NYX: variants seen among roughly 807,000 people sequenced by gnomAD.
NYX encodes leucine-rich repeat protein.
For missense variants in NYX, 481 were observed against 485.4 expected (o/e 0.99, Z 0.09); for synonymous variants, 258 against 245.7 (o/e 1.05, Z -0.47).
chrX:41,473,534 C>A lies in NYX; in HGVS notation c.66C>A (p.Cys22Ter). The stretch of plus-strand genomic sequence containing the variant: ...CCAGCGCCTGGGCCGTGGGGGCCTG[C>A]GCCCGCGCTTGTCCCGCCGCCTGCG... ...GLPSAWAVGA[C>*]ARACPAACAC... Residue 22 changes from cysteine to a stop codon, truncating the protein, a stop_gained, in exon 3 of 3, where the codon TGC becomes TGA. Transcript: ENST00000378220. LOFTEE classifies it low-confidence loss of function (END_TRUNC). 1.0e-6 allele frequency: 1 copy of A among 1,002,261 alleles called. No homozygotes were observed. Among genetic ancestry groups the A allele is most frequent in the Non-Finnish European group, 1.3e-6 (1 of 791,741 alleles). The allele number at this position is 1,002,261 out of a possible 1,213,427, so 82.6% of individuals were successfully genotyped here.
chrX:41,453,266 G>A (rs1353299834), intron 2 of NYX, among the ~76,000 whole-genome samples: 1 of 111,252 alleles, frequency 9.0e-6, no homozygotes, highest in Non-Finnish European at 1.9e-5. Context: ...GCGGGTGCCT[G>A]AGGCTGGCCA....
chrX:41,472,443 G>T, intron 2 of NYX: 1 of 1,037,466 alleles, frequency 9.6e-7, no homozygotes, highest in Non-Finnish European at 1.3e-6. Flanking sequence ...ACCATGGCCA[G>T]CAGGCCGCGG....
chrX:41,463,673 G>A lies in NYX; in HGVS notation c.23-9818G>A, dbSNP rs59069414. ...CTTGACCTAGTGATCTGCCCGCCTCGGCCTCCCAACGTGCTGGGATTACAG... is the reference window on the plus strand; with the variant it reads ...CTTGACCTAGTGATCTGCCCGCCTCAGCCTCCCAACGTGCTGGGATTACAG... On this transcript the variant is annotated intron_variant, in intron 2 of 2. Coordinates refer to ENST00000378220, the MANE Select transcript of NYX (RefSeq NM_001378477.3). Among the ~76,000 whole-genome samples, 932 of 110,874 alleles carry A rather than the reference G, an allele frequency of 8.4e-3. 15 individuals carry two copies. Among genetic ancestry groups the A allele is most frequent in the African/African-American group, 0.029 (889 of 30,508 alleles).
chrX:41,465,743 G>A (rs1367565415), intron 2 of NYX, among the ~76,000 whole-genome samples: 3 of 101,809 alleles, frequency 2.9e-5, no homozygotes, highest in African/African-American at 1.1e-4. Context: ...GGCTGGTCTC[G>A]AACTCCTGAC....
chrX:41,459,320 G>A (rs1054229989), intron 2 of NYX, among the ~76,000 whole-genome samples: 2 of 110,377 alleles, frequency 1.8e-5, no homozygotes, highest in African/African-American at 6.6e-5. Context: ...AGGACTGCAC[G>A]TAAATGTCAT....
At chrX:41,470,499 GC>G (rs2064355106) in intron 2 of NYX, among the ~76,000 whole-genome samples, 1 of 109,930 alleles carries the variant, frequency 9.1e-6, no homozygotes, top group African/African-American at 3.3e-5. Flanking sequence ...TTTGAGACCA[GC>G]CTGGCCAATA....
intron 2 of NYX, among the ~76,000 whole-genome samples, chrX:41,449,048 G>A (rs1325993814): frequency 8.9e-6 from 1 of 111,898 alleles, no homozygotes; most frequent in African/African-American, 3.2e-5. Flanking sequence ...AAGAAGACTC[G>A]TTATGAAATA....
chrX:41,451,510 G>A (rs1011653783), intron 2 of NYX, among the ~76,000 whole-genome samples: 17 of 111,531 alleles, frequency 1.5e-4, no homozygotes, highest in Non-Finnish European at 2.1e-4. Flanking sequence ...TGCAAAATAA[G>A]CATTTGATTT....
chrX:41,456,962 G>C (rs1188600659), intron 2 of NYX, among the ~76,000 whole-genome samples: 2 of 111,171 alleles, frequency 1.8e-5, no homozygotes, highest in Non-Finnish European at 3.8e-5. Context: ...TTTAGGAGGG[G>C]ATTAGGTCCT....
Position 41,474,584 on chromosome X carries a change from C to T in NYX, c.1116C>T (p.Thr372=), listed in dbSNP as rs1363923181. The change falls in exon 3 of 3, where the codon ACC becomes ACT. Residue 372 remains threonine, a synonymous_variant. Transcript: ENST00000378220. ...SVAGLDLSQV[T]FGRSSDGLCV... is the part of the protein sequence containing the mutation. Reference sequence around the variant, plus strand: ...CCGGCCTGGACCTCAGCCAGGTGACCTTCGGGCGCTCCTCCGATGGCCTCT... The same window carrying T: ...CCGGCCTGGACCTCAGCCAGGTGACTTTCGGGCGCTCCTCCGATGGCCTCT... The T allele has an allele frequency of 1.7e-6, 2 of 1,197,641 alleles. No homozygotes were observed. The highest frequency in any genetic ancestry group is 2.2e-6 in the Non-Finnish European group (2 of 889,099).
At chrX:41,464,083 G>C (rs975321244) in intron 2 of NYX, among the ~76,000 whole-genome samples, 1 of 110,765 alleles carries the variant, frequency 9.0e-6, no homozygotes, top group Non-Finnish European at 1.9e-5. Context: ...TTACTGGAGA[G>C]AGAGAGAATT....
At chrX:41,463,445 G>A (rs1280977878) in intron 2 of NYX, among the ~76,000 whole-genome samples, 4 of 103,536 alleles carry the variant, frequency 3.9e-5, no homozygotes, top group South Asian at 4.5e-4. Flanking sequence ...TTTCTGAGAC[G>A]GAGTTTTGCT....
At chrX:41,450,855 T>G (rs1325438114) in intron 2 of NYX, among the ~76,000 whole-genome samples, 17 of 76,880 alleles carry the variant, frequency 2.2e-4, no homozygotes, top group South Asian at 6.8e-4. Flanking sequence ...TTTTTTTTTT[T>G]GGGTATTTTT....
At chrX:41,460,601 A>G (rs887946556) in intron 2 of NYX, among the ~76,000 whole-genome samples, 1 of 111,726 alleles carries the variant, frequency 9.0e-6, no homozygotes, top group Non-Finnish European at 1.9e-5. Context: ...TTCATTATTC[A>G]TTTGTAGGAG....
At chrX:41,453,220 GA>G (rs1291890203) in intron 2 of NYX, among the ~76,000 whole-genome samples, 1 of 111,775 alleles carries the variant, frequency 8.9e-6, no homozygotes, top group East Asian at 2.8e-4. Context: ...TTAGGAAAGA[GA>G]AACTGCTCAG....
chrX:41,474,219 C>T lies in NYX; in HGVS notation c.751C>T (p.Leu251=). Residue 251 remains leucine (L), a synonymous_variant, in exon 3 of 3, where the codon CTG becomes TTG. Coordinates refer to ENST00000378220, the MANE Select transcript of NYX (RefSeq NM_001378477.3). ...CGACGCCTTCCGCGGCCTGCGGCGC[C>T]TGCGCACGCTCAACCTGGGTGGCAA... ...PADAFRGLRR[L]RTLNLGGNAL... 2.5e-6 allele frequency: 3 copies of T among 1,193,059 alleles called. No individual in the cohort carries two copies. Among genetic ancestry groups the T allele is most frequent in the Non-Finnish European group, 3.4e-6 (3 of 890,785 alleles).
chrX:41,473,570 C>T lies in NYX; in HGVS notation c.102C>T (p.Thr34=), dbSNP rs1028104555. 2.8e-5 allele frequency: 28 copies of T among 1,011,012 alleles called. No homozygotes were observed. Among genetic ancestry groups the T allele is most frequent in the Non-Finnish European group, 3.4e-5 (27 of 798,241 alleles). 83.3% of individuals were successfully genotyped at this position (1,011,012 alleles called of 1,213,427 possible). A position where few individuals can be genotyped will look rare whatever the true frequency, so the allele number is the denominator to read the frequency against. ...RACPAACACS[T]VERGCSVRCD... ...GTCCCGCCGCCTGCGCCTGCAGCAC[C>T]GTGGAGCGCGGCTGCTCGGTGCGCT... Residue 34 remains threonine (T), a synonymous_variant, in exon 3 of 3, where the codon ACC becomes ACT. Coordinates refer to ENST00000378220, the MANE Select transcript of NYX (RefSeq NM_001378477.3).
At chrX:41,457,359 C>T (rs936812731) in intron 2 of NYX, among the ~76,000 whole-genome samples, 2 of 107,882 alleles carry the variant, frequency 1.9e-5, no homozygotes, top group African/African-American at 3.4e-5. Context: ...CTTTCTACCA[C>T]ATGAGAACAC....
At position 41,450,845 on chromosome X, in the gene NYX, T is replaced by A. The variant is rs1312112399; in HGVS notation, c.22+2919T>A. 8.4e-3 allele frequency among the ~76,000 whole-genome samples: 747 copies of A among 89,343 alleles called. 10 individuals carry two copies. Among genetic ancestry groups the A allele is most frequent in the African/African-American group, 0.023 (567 of 24,846 alleles). 77.6% of individuals were successfully genotyped at this position (89,343 alleles called of 115,157 possible). On this transcript the variant is annotated intron_variant, in intron 2 of 2. Transcript: ENST00000378220. The stretch of plus-strand genomic sequence containing the variant: ...ATATATATATTTTTTTTTTTTTTTT[T>A]TTTTTTTTTTGGGTATTTTTAGTAG...
Sources: gnomAD v4.1 joint callset for allele counts (sites outside exome capture counted in the v4.1 genomes callset) on GRCh38, gnomAD v4.1.1 for gene constraint, MANE v1.5 for transcripts, NCBI Gene and HGNC (gene_info 2026-07-23, HGNC 2026-07-21) for gene names.